Variants in EFCAB5 observed in about 807,000 individuals in gnomAD.
The protein encoded by EFCAB5 is EF-hand calcium-binding domain-containing protein 5.
In EFCAB5, 131 loss-of-function variants were observed where a neutral mutation model predicts 167.9. The ratio of observed to expected loss-of-function variants is 0.78; its 90% CI spans 0.68 to 0.90. The LOEUF is 0.90. EFCAB5 is among the 40% of genes least tolerant of loss of function. The pLI is 0.00. For synonymous variants in EFCAB5, 574 were observed against 602.8 expected (o/e 0.95, Z 0.70); for missense variants, 1,663 against 1,745.2 (o/e 0.95, Z 0.84).
intron 4 of EFCAB5, among the ~76,000 whole-genome samples, chr17:29,974,510 C>G (rs1335157599): frequency 6.6e-6 from 1 of 150,798 alleles, no homozygotes; most frequent in African/African-American, 2.4e-5. Context: ...CCACTGCACT[C>G]TATCTTGGGT....
chr17:30,010,192 A>T (rs904714048), intron 7 of EFCAB5, among the ~76,000 whole-genome samples: 3 of 152,192 alleles, frequency 2.0e-5, no homozygotes, highest in Admixed American at 6.5e-5. Flanking sequence ...ACATTTTCTT[A>T]ATCCAGTCTA....
chr17:30,030,345 GT>G (rs1300365074), intron 7 of EFCAB5, among the ~76,000 whole-genome samples: 1 of 152,110 alleles, frequency 6.6e-6, no homozygotes, highest in East Asian at 1.9e-4. Flanking sequence ...TTGTTTGTTT[GT>G]TTGTTTGTTT....
At chr17:30,047,890 G>T (rs150356861) in intron 8 of EFCAB5, among the ~76,000 whole-genome samples, 148 of 152,190 alleles carry the variant, frequency 9.7e-4, no homozygotes, top group African/African-American at 3.4e-3. Flanking sequence ...GGGAAGGCTG[G>T]GTCTCTTGGG....
chr17:29,943,474 C>T (rs1359336596), intron 2 of EFCAB5, 91 bp from the exon 3 acceptor site: 3 of 1,122,324 alleles, frequency 2.7e-6, no homozygotes, highest in South Asian at 3.0e-5. Flanking sequence ...TCTTACAAAG[C>T]AATTAACTTT....
Position 30,080,088 on chromosome 17 carries a change from G to A in EFCAB5, c.3044G>A (p.Gly1015Glu), listed in dbSNP as rs954918050. The A allele has an allele frequency of 3.1e-6, 5 of 1,608,320 alleles. No homozygotes were observed. Among genetic ancestry groups the A allele is most frequent in the Non-Finnish European group, 4.2e-6 (5 of 1,178,072 alleles). Residue 1015 changes from glycine (G) to glutamate (E), a missense_variant, in exon 16 of 23, where the codon GGA becomes GAA. Physicochemically the swap from Gly to Glu is moderately conservative, Grantham distance 98 (BLOSUM62 -2). Coordinates refer to ENST00000394835, the MANE Select transcript of EFCAB5 (RefSeq NM_198529.4). ...TTGCTGTAGGATGCTGAAGCCCATG[G>A]AAATAAAAAGATCAGTGCTCACATT... ...KALMQDAEAH[G>E]NKKISAHISL...
intron 7 of EFCAB5, among the ~76,000 whole-genome samples, chr17:30,027,944 G>A (rs1005410835): frequency 6.6e-6 from 1 of 152,216 alleles, no homozygotes; most frequent in Non-Finnish European, 1.5e-5. Flanking sequence ...GCCTCAAGCA[G>A]TCTGAGGTCC....
chr17:30,068,946 C>T, intron 14 of EFCAB5: 1 of 1,538,054 alleles, frequency 6.5e-7, no homozygotes. Flanking sequence ...TCATGAGGAC[C>T]TGTTCAGAAG....
chr17:30,015,759 C>CTTTTTTTTTTTT (rs71138866), intron 7 of EFCAB5, among the ~76,000 whole-genome samples: 1 of 130,566 alleles, frequency 7.7e-6, no homozygotes. Context: ...TTGGTTATTT[C>CTTTTTTTTTTTT]TTTTTTTTTT....
chr17:30,098,070 G>A (rs2071328772), intron 22 of EFCAB5, among the ~76,000 whole-genome samples: 1 of 152,036 alleles, frequency 6.6e-6, no homozygotes, highest in African/African-American at 2.4e-5. Flanking sequence ...AAGTAGCTGG[G>A]ACTATAGGCA....
In EFCAB5 at chr17:30,076,119, T is replaced by TCCTTTCTCTTTGTCTTGC. The variant is rs1278307596; in HGVS notation, c.2738-2096_2738-2095insCCTTTCTCTTTGTCTTGC. Among the ~76,000 whole-genome samples, 190 of 152,356 alleles carry TCCTTTCTCTTTGTCTTGC rather than the reference T, an allele frequency of 1.2e-3. 1 individual carries two copies. The highest frequency in any genetic ancestry group is 9.3e-3 in the Admixed American group (142 of 15,306). ...TAATGACATTAGGACAGCTGTCTGG[T>TCCTTTCTCTTTGTCTTGC]TCTTTCTCTTTGTCTTGCTCTCTTC... On this transcript the variant is annotated intron_variant, in intron 14 of 22. Transcript: ENST00000394835.
chr17:29,947,810 A>G (rs772972710), intron 3 of EFCAB5, among the ~76,000 whole-genome samples: 5 of 152,062 alleles, frequency 3.3e-5, no homozygotes, highest in Admixed American at 6.6e-5. Context: ...AGGTTTATAA[A>G]TTAACTCATT....
At chr17:29,930,469 G>C (rs1017097532) in intron 1 of EFCAB5, among the ~76,000 whole-genome samples, 1 of 152,148 alleles carries the variant, frequency 6.6e-6, no homozygotes, top group Non-Finnish European at 1.5e-5. Context: ...GTCCCAGGGC[G>C]GGGGGCCGCT....
intron 14 of EFCAB5, chr17:30,069,491 G>A: frequency 6.3e-7 from 1 of 1,598,188 alleles, no homozygotes; most frequent in Non-Finnish European, 8.6e-7. Flanking sequence ...CCAGTTAGTT[G>A]TGGGGGCAAC....
chr17:30,094,524 A>C, intron 22 of EFCAB5, among the ~76,000 whole-genome samples: 1 of 150,624 alleles, frequency 6.6e-6, no homozygotes, highest in African/African-American at 2.4e-5. Flanking sequence ...AAAAAAAAAA[A>C]AAAAAAAAAA....
intron 18 of EFCAB5, among the ~76,000 whole-genome samples, chr17:30,084,917 T>C (rs543810820): frequency 2.0e-4 from 31 of 152,268 alleles, no homozygotes; most frequent in South Asian, 4.2e-4. Flanking sequence ...TAAAGGCCAC[T>C]TCACCTTTCA....
intron 14 of EFCAB5, chr17:30,069,017 A>G: frequency 7.1e-7 from 1 of 1,407,756 alleles, no homozygotes; most frequent in Admixed American, 1.7e-5. Context: ...GTGAAGGAGC[A>G]CAGGACTGCT....
At chr17:29,948,990 A>G (rs1290160110) in intron 3 of EFCAB5, among the ~76,000 whole-genome samples, 1 of 152,134 alleles carries the variant, frequency 6.6e-6, no homozygotes, top group Non-Finnish European at 1.5e-5. Flanking sequence ...ATAAGGACAA[A>G]GCCGCTGAGT....
intron 3 of EFCAB5, among the ~76,000 whole-genome samples, chr17:29,960,861 A>C (rs1407817819): frequency 6.6e-6 from 1 of 152,052 alleles, no homozygotes; most frequent in Non-Finnish European, 1.5e-5. Context: ...ATTATTGATT[A>C]TTATTATTAT....
intron 1 of EFCAB5, among the ~76,000 whole-genome samples, chr17:29,935,385 C>T (rs1477928332): frequency 1.3e-5 from 2 of 151,834 alleles, no homozygotes; most frequent in East Asian, 1.9e-4. Flanking sequence ...ATAGTAAGAC[C>T]TCATCTCTCC....
Sources: allele counts gnomAD v4.1 joint callset (sites outside exome capture counted in the v4.1 genomes callset), GRCh38; gene constraint gnomAD v4.1.1; transcripts MANE v1.5; gene names NCBI Gene and HGNC (gene_info 2026-07-23, HGNC 2026-07-21).